Variants in TSC2 observed in about 807,000 individuals in gnomAD.
TSC2 encodes tuberin.
In TSC2, 29 loss-of-function variants were observed where a neutral mutation model predicts 202.2. That is an observed-to-expected ratio of 0.14 (90% confidence interval 0.11 to 0.20). TSC2 has a LOEUF of 0.20. TSC2 is among the 10% of genes least tolerant of loss of function. The pLI, the probability that TSC2 is intolerant of heterozygous loss-of-function variation, is 1.00. For synonymous variants in TSC2, 1,349 were observed against 1,044.0 expected, an observed-to-expected ratio of 1.29 and a Z score of -5.63; for missense variants, 2,429 against 2,420.0, an observed-to-expected ratio of 1.00 and a Z score of -0.08.
intron 13 of TSC2, 177 bp downstream of exon 13, chr16:2,062,777 C>T (rs563787926): frequency 1.1e-6 from 1 of 882,646 alleles, no homozygotes; most frequent in African/African-American, 1.7e-5. Context: ...CAGGACAGGT[C>T]CTCTCATGAC....
intron 16 of TSC2, chr16:2,066,549 G>C (rs994583682): frequency 1.3e-5 from 2 of 151,764 alleles, no homozygotes; most frequent in African/African-American, 4.8e-5. Flanking sequence ...TGGGCCCTAG[G>C]TTTAGTCTGC....
At chr16:2,081,538 C>T in intron 30 of TSC2, 57 bp from the exon 31 acceptor site, 2 of 1,610,244 alleles carry the variant, frequency 1.2e-6, no homozygotes, top group South Asian at 1.1e-5. Flanking sequence ...CCTGGGGGGC[C>T]AGAGATGGGT....
chr16:2,080,832 C>T (rs2090058334), intron 30 of TSC2: 1 of 184,494 alleles, frequency 5.4e-6, no homozygotes, highest in African/African-American at 2.4e-5. Flanking sequence ...GAGGGGCGAT[C>T]CAGGTGGCTG....
rs1439538186 is a variant in TSC2, at chr16:2,048,072, G to A, written c.-30+7G>A. The A allele has an allele frequency of 2.1e-6, 3 of 1,425,212 alleles. No homozygotes were observed. Among genetic ancestry groups the A allele is most frequent in the Non-Finnish European group, 2.7e-6 (3 of 1,097,170 alleles). The allele number at this position is 1,425,212 out of a possible 1,614,324, so 88.3% of individuals were successfully genotyped here. Reference sequence around the variant, plus strand: ...CGCGGTGGCGCGGCGCGGGGTAAGTGGCGGTCCCCACGGGGCAAGTGGCGG... The same window carrying A: ...CGCGGTGGCGCGGCGCGGGGTAAGTAGCGGTCCCCACGGGGCAAGTGGCGG... On this transcript the variant is annotated splice_region_variant and intron_variant, in intron 1 of 41. Coordinates refer to ENST00000219476, the MANE Select transcript of TSC2 (RefSeq NM_000548.5).
chr16:2,084,674 C>G lies in TSC2; in HGVS notation c.4452C>G (p.Ala1484=). 1 of 1,598,690 alleles carries G rather than the reference C, an allele frequency of 6.3e-7. No homozygotes were observed. The highest frequency in any genetic ancestry group is 8.5e-7 in the Non-Finnish European group (1 of 1,179,858). ...RVERDALKSR[A]TASNAEKVPG... ...AGAGGGACGCCTTAAAGAGCAGAGC[C>G]ACAGCCTCCAATGCAGAGAAAGTGC... Residue 1484 remains alanine, a synonymous_variant, in exon 34 of 42, where the codon GCC becomes GCG. Transcript: ENST00000219476.
At chr16:2,063,369 T>C (rs2086876861) in intron 14 of TSC2, 8 of 518,276 alleles carry the variant, frequency 1.5e-5, no homozygotes, top group Non-Finnish European at 2.8e-5. Flanking sequence ...CAGCCAGTCT[T>C]GCATGGGGAC....
chr16:2,081,891 C>G, intron 31 of TSC2, 93 bp downstream of exon 31: 1 of 1,518,608 alleles, frequency 6.6e-7, no homozygotes, highest in South Asian at 1.2e-5. Flanking sequence ...CTGAGGGCGC[C>G]CACACGGCTG....
At chr16:2,075,670 C>T (rs907180646) in intron 22 of TSC2, 129 bp from the exon 23 acceptor site, 24 of 967,310 alleles carry the variant, frequency 2.5e-5, no homozygotes, top group Non-Finnish European at 3.5e-5. Flanking sequence ...GGGAAAGCCA[C>T]GTCCGTGTGG....
At chr16:2,081,326 C>T (rs754698736) in intron 30 of TSC2, 8 of 526,580 alleles carry the variant, frequency 1.5e-5, no homozygotes, top group East Asian at 6.6e-5. Context: ...TTCCAGCCCT[C>T]GTGGAGGCCT....
At chr16:2,055,061 G>A (rs2085599603) in intron 5 of TSC2, 25 of 415,460 alleles carry the variant, frequency 6.0e-5, no homozygotes, top group South Asian at 5.2e-4. Flanking sequence ...GCCACTCTCT[G>A]CTGGGGGTGG....
At chr16:2,064,117 C>T (rs993798339) in intron 14 of TSC2, 155 bp from the exon 15 acceptor site, 129 of 1,234,702 alleles carry the variant, frequency 1.0e-4, no homozygotes, top group Non-Finnish European at 1.3e-4. Flanking sequence ...GTCTCTGAGT[C>T]GCGCTCAGCG....
chr16:2,071,596 C>G lies in TSC2; in HGVS notation c.1926C>G (p.Pro642=), dbSNP rs778765636. The G allele has an allele frequency of 6.2e-7, 1 of 1,613,460 alleles. No individual in the cohort carries two copies. Among genetic ancestry groups the G allele is most frequent in the Non-Finnish European group, 8.5e-7 (1 of 1,180,034 alleles). The change falls in exon 18 of 42, where the codon CCC becomes CCG. Residue 642 remains proline, a synonymous_variant. Transcript: ENST00000219476. The part of the protein sequence containing the change: ...PNKDGVVRFS[P]YCVCDYMEPE... ...AGGATGGAGTCGTGCGGTTCAGCCCCTACTGCGTCTGCGACTACATGTACG... is the reference window on the plus strand; with the variant it reads ...AGGATGGAGTCGTGCGGTTCAGCCCGTACTGCGTCTGCGACTACATGTACG...
intron 11 of TSC2, 113 bp from the exon 12 acceptor site, chr16:2,061,758 C>T (rs973719372): frequency 1.9e-5 from 30 of 1,568,982 alleles, no homozygotes; most frequent in Non-Finnish European, 2.4e-5. Flanking sequence ...CGGCCCAGAG[C>T]GGCCTGAGAG....
chr16:2,074,767 C>T (rs1230558247), intron 22 of TSC2: 1 of 363,442 alleles, frequency 2.8e-6, no homozygotes, highest in African/African-American at 2.1e-5. Flanking sequence ...CCCCTCACCG[C>T]CTGTGCGCAT....
At chr16:2,059,745 C>G (rs1335224472) in intron 10 of TSC2, among the ~76,000 whole-genome samples, 1 of 152,096 alleles carries the variant, frequency 6.6e-6, no homozygotes, top group African/African-American at 2.4e-5. Flanking sequence ...TCTCAAACTC[C>G]CGACCTCAGG....
chr16:2,055,340 G>C (rs2085639168), intron 5 of TSC2, 62 bp from the exon 6 acceptor site: 2 of 1,286,906 alleles, frequency 1.6e-6, no homozygotes, highest in Non-Finnish European at 2.3e-6. Context: ...GCGGCGGGAG[G>C]GGGAGGTGAG....
intron 20 of TSC2, 197 bp from the exon 21 acceptor site, chr16:2,072,652 T>C: frequency 1.1e-6 from 1 of 908,576 alleles, no homozygotes; most frequent in Non-Finnish European, 1.7e-6. Flanking sequence ...GCCGTTCACC[T>C]CACATTCCTG....
Position 2,083,703 on chromosome 16 carries a change from G to A in TSC2, c.3892G>A (p.Val1298Met), listed in dbSNP as rs147284943. 3.8e-5 allele frequency: 60 copies of A among 1,587,022 alleles called. No individual in the cohort carries two copies. In the African/African-American group the frequency reaches 5.9e-4, roughly 16 times the overall value. ...CGTCTGTGTCCTCCCAGACTCCGCC[G>A]TGGTCATGGAGGAGGGAAGTCCGGG... ...HRSVSWADSA[V>M]VMEEGSPGEV... Residue 1298 changes from valine (V) to methionine (M), a missense_variant, in exon 33 of 42, where the codon GTG becomes ATG. Transcript: ENST00000219476.
intron 17 of TSC2, 158 bp from the exon 18 acceptor site, chr16:2,071,352 A>G: frequency 1.3e-6 from 1 of 741,768 alleles, no homozygotes; most frequent in Non-Finnish European, 2.3e-6. Flanking sequence ...TCACCAGGAC[A>G]GAGCCTGTGT....
Sources: allele counts gnomAD v4.1 joint callset (sites outside exome capture counted in the v4.1 genomes callset), GRCh38; gene constraint gnomAD v4.1.1; transcripts MANE v1.5; gene names NCBI Gene and HGNC (gene_info 2026-07-23, HGNC 2026-07-21).